The following MACROD2 variants were observed in gnomAD, a reference collection of about 807,000 sequenced individuals.
MACROD2 encodes the protein mono-ADP ribosylhydrolase 2.
A neutral mutation model predicts 70.4 loss-of-function variants in MACROD2; 36 were observed. The ratio of observed to expected loss-of-function variants is 0.51; its 90% CI spans 0.39 to 0.68. MACROD2 has a LOEUF of 0.68. MACROD2 is among the 30% of genes least tolerant of loss of function. The pLI is 0.00. For synonymous variants in MACROD2, 172 were observed against 178.8 expected, an observed-to-expected ratio of 0.96 and a Z score of 0.30; for missense variants, 496 against 538.4, an observed-to-expected ratio of 0.92 and a Z score of 0.78.
chr20:15,295,993 C>T (rs1386349905), intron 6 of MACROD2, among the ~76,000 whole-genome samples: 2 of 152,174 alleles, frequency 1.3e-5, no homozygotes, highest in Admixed American at 6.5e-5. Flanking sequence ...TATAAAATCC[C>T]CAGCAAGCTT....
At chr20:14,570,912 GGTT>G (rs1298741609) in intron 4 of MACROD2, among the ~76,000 whole-genome samples, 2 of 151,886 alleles carry the variant, frequency 1.3e-5, no homozygotes, top group Non-Finnish European at 2.9e-5. Context: ...GATGTAGCCT[GGTT>G]TATTCCTACT....
intron 5 of MACROD2, among the ~76,000 whole-genome samples, chr20:14,986,433 A>G (rs430086): frequency 0.062 from 9,438 of 152,106 alleles, 549 homozygotes; most frequent in African/African-American, 0.14. Flanking sequence ...TTATTAGGCA[A>G]TCTCTTAGTT....
At chr20:15,397,132 A>C (rs2146301978) in intron 6 of MACROD2, among the ~76,000 whole-genome samples, 1 of 152,330 alleles carries the variant, frequency 6.6e-6, no homozygotes, top group East Asian at 1.9e-4. Context: ...TACTTTCCAT[A>C]GCAAATTCCA....
At chr20:14,806,784 G>A (rs1262456741) in intron 5 of MACROD2, among the ~76,000 whole-genome samples, 2 of 152,132 alleles carry the variant, frequency 1.3e-5, no homozygotes, top group Admixed American at 1.3e-4. Flanking sequence ...TGAGGCTTGA[G>A]TAGGCGGTTT....
intron 8 of MACROD2, among the ~76,000 whole-genome samples, chr20:15,782,603 A>C (rs1308633137): frequency 6.6e-6 from 1 of 151,758 alleles, no homozygotes; most frequent in Non-Finnish European, 1.5e-5. Flanking sequence ...GTATGGTCCC[A>C]AAAGCCCTAT....
intron 5 of MACROD2, among the ~76,000 whole-genome samples, chr20:14,898,929 G>A (rs1003417242): frequency 3.9e-5 from 6 of 152,160 alleles, no homozygotes; most frequent in African/African-American, 7.2e-5. Context: ...AAAGCTGTAT[G>A]ACACTAAAAA....
At position 15,660,686 on chromosome 20, in the gene MACROD2, A is replaced by G. The variant is rs187009899; in HGVS notation, c.645+160839A>G. On this transcript the variant is annotated intron_variant, in intron 8 of 17. Transcript: ENST00000684519. ...GAAAATAGATGCTAAAATGTGTGTAATGTCACATTTACTTTAAGGCATCAC... is the reference window on the plus strand; with the variant it reads ...GAAAATAGATGCTAAAATGTGTGTAGTGTCACATTTACTTTAAGGCATCAC... 3.3e-5 allele frequency among the ~76,000 whole-genome samples: 5 copies of G among 152,210 alleles called. No homozygotes were observed. The East Asian group carries it at 9.7e-4, about 29-fold the overall frequency.
chr20:14,669,914 G>A (rs2070776031), intron 4 of MACROD2, among the ~76,000 whole-genome samples: 1 of 151,842 alleles, frequency 6.6e-6, no homozygotes, highest in African/African-American at 2.4e-5. Flanking sequence ...TATTAATAAT[G>A]GGTTTGAAGA....
chr20:15,552,168 G>A (rs2048108467), intron 8 of MACROD2: 1 of 152,158 alleles, frequency 6.6e-6, no homozygotes, highest in Admixed American at 6.6e-5. Flanking sequence ...GGAAGACAGA[G>A]GAATTATCAC....
chr20:15,318,352 G>C (rs1468063709), intron 6 of MACROD2, among the ~76,000 whole-genome samples: 1 of 151,984 alleles, frequency 6.6e-6, no homozygotes, highest in African/African-American at 2.4e-5. Flanking sequence ...TCCCAACAAA[G>C]AAAAGCCTAA....
intron 15 of MACROD2, among the ~76,000 whole-genome samples, chr20:15,995,722 T>G (rs1601294374): frequency 1.3e-5 from 2 of 150,602 alleles, no homozygotes; most frequent in East Asian, 3.9e-4. Flanking sequence ...TGTCTGTGTC[T>G]TATTTCACTC....
At chr20:15,861,886 C>G (rs2064429393) in intron 8 of MACROD2, among the ~76,000 whole-genome samples, 1 of 152,172 alleles carries the variant, frequency 6.6e-6, no homozygotes, top group Non-Finnish European at 1.5e-5. Flanking sequence ...TTCTATGCAA[C>G]TTGCCAGTGA....
chr20:15,723,170 G>A (rs1431491413), intron 8 of MACROD2, among the ~76,000 whole-genome samples: 1 of 152,104 alleles, frequency 6.6e-6, no homozygotes, highest in Non-Finnish European at 1.5e-5. Context: ...AAGGTGAGAG[G>A]AAGGCACAGA....
intron 5 of MACROD2, among the ~76,000 whole-genome samples, chr20:14,807,634 C>T (rs529107326): frequency 6.6e-6 from 1 of 152,042 alleles, no homozygotes; most frequent in Admixed American, 6.6e-5. Flanking sequence ...TGAGTAATAA[C>T]AAATTCCTCT....
intron 15 of MACROD2, among the ~76,000 whole-genome samples, chr20:15,993,594 T>C (rs2066589216): frequency 6.6e-6 from 1 of 152,142 alleles, no homozygotes; most frequent in East Asian, 1.9e-4. Context: ...TCTCAGAATG[T>C]ATCTTCACCT....
intron 8 of MACROD2, among the ~76,000 whole-genome samples, chr20:15,545,791 A>G (rs570516215): frequency 2.0e-5 from 3 of 152,126 alleles, no homozygotes; most frequent in African/African-American, 7.2e-5. Context: ...GGAAGTATTG[A>G]CCAGAAATCA....
At chr20:14,792,742 T>C (rs1272582991) in intron 5 of MACROD2, among the ~76,000 whole-genome samples, 1 of 152,080 alleles carries the variant, frequency 6.6e-6, no homozygotes, top group African/African-American at 2.4e-5. Flanking sequence ...TATCACCATA[T>C]TGGAAATTCA....
chr20:15,037,990 G>C (rs1402624376), intron 5 of MACROD2, among the ~76,000 whole-genome samples: 1 of 152,110 alleles, frequency 6.6e-6, no homozygotes, highest in Non-Finnish European at 1.5e-5. Flanking sequence ...GGATGTGCCA[G>C]TTACCCTGAT....
chr20:14,119,158 GATT>G (rs1239141225), intron 3 of MACROD2, among the ~76,000 whole-genome samples: 1,244 of 80,666 alleles, frequency 0.015, 26 homozygotes, highest in African/African-American at 0.047. Flanking sequence ...AAATGACTGT[GATT>G]TTTTTTTTTT....
Sources: allele counts gnomAD v4.1 joint callset (sites outside exome capture counted in the v4.1 genomes callset), GRCh38; gene constraint gnomAD v4.1.1; transcripts MANE v1.5; gene names NCBI Gene and HGNC (gene_info 2026-07-23, HGNC 2026-07-21).